The following TMED5 variants were observed in gnomAD, a reference collection of about 807,000 sequenced individuals.
TMED5 encodes the protein transmembrane emp24 domain-containing protein 5.
Under a neutral mutation model 23.0 loss-of-function variants are expected in TMED5, and 27 were observed. The observed-to-expected ratio is 1.17, with a 90% CI of 0.86 to 1.62. TMED5 has a LOEUF of 1.62. TMED5 is among the 40% of genes most tolerant of loss of function. The pLI, the probability that TMED5 is intolerant of heterozygous loss-of-function variation, is 0.00. For missense variants in TMED5, 248 were observed against 273.7 expected (o/e 0.91, Z 0.66); for synonymous variants, 97 against 100.8 (o/e 0.96, Z 0.23).
rs765667600 is a variant in TMED5, at chr1:93,160,237, G to A, written c.190-11C>T. ...TGCTCCATCTAAAACCTGTAGAAAAGCATACATGAGAAAAACATATATTAC... is the reference window on the plus strand; with the variant it reads ...TGCTCCATCTAAAACCTGTAGAAAAACATACATGAGAAAAACATATATTAC... On this transcript the variant is annotated splice_polypyrimidine_tract_variant and intron_variant, in intron 1 of 3. Coordinates refer to ENST00000370282, the MANE Select transcript of TMED5 (RefSeq NM_016040.5). 25 of 1,518,280 alleles carry A rather than the reference G, an allele frequency of 1.6e-5. No individual in the cohort carries two copies. In the South Asian group the frequency reaches 2.4e-4, roughly 14 times the overall value. 94.1% of individuals were successfully genotyped at this position (1,518,280 alleles called of 1,614,324 possible).
chr1:93,161,780 T>C (rs558946066), intron 1 of TMED5: 221 of 152,366 alleles, frequency 1.5e-3, no homozygotes, highest in African/African-American at 5.2e-3. Flanking sequence ...GGTACCTTTA[T>C]GGACACCTAT....
intron 1 of TMED5, chr1:93,162,178 T>C (rs1648303696): frequency 6.6e-6 from 1 of 152,272 alleles, no homozygotes; most frequent in East Asian, 1.9e-4. Flanking sequence ...AGTTTTAATG[T>C]GATGATATAA....
intron 1 of TMED5, among the ~76,000 whole-genome samples, chr1:93,169,951 C>T (rs1208299417): frequency 6.6e-6 from 1 of 151,150 alleles, no homozygotes; most frequent in Non-Finnish European, 1.5e-5. Context: ...GCATGCCTCC[C>T]TAGCTACTTG....
At chr1:93,166,501 T>G (rs1289634690) in intron 1 of TMED5, among the ~76,000 whole-genome samples, 1 of 152,240 alleles carries the variant, frequency 6.6e-6, no homozygotes, top group Non-Finnish European at 1.5e-5. Flanking sequence ...GATTCACATT[T>G]CTCTGATGAT....
At chr1:93,175,312 TATATAC>T (rs1159049220) in intron 1 of TMED5, among the ~76,000 whole-genome samples, 54 of 99,786 alleles carry the variant, frequency 5.4e-4, no homozygotes, top group African/African-American at 1.5e-3. Flanking sequence ...TATATATATA[TATATAC>T]ACACACACAC....
chr1:93,151,683 T>G lies in TMED5; in HGVS notation c.*2987A>C, dbSNP rs1228952519. Reference sequence around the variant, plus strand: ...AGTGCATGTTTAGGCAACAGGTGAATAAGTACATATAGAAACAGAACTCCA... The same window carrying G: ...AGTGCATGTTTAGGCAACAGGTGAAGAAGTACATATAGAAACAGAACTCCA... On this transcript the variant is annotated 3_prime_UTR_variant, in exon 4 of 4. Coordinates refer to ENST00000370282, the MANE Select transcript of TMED5 (RefSeq NM_016040.5). The G allele has an allele frequency of 6.6e-6, 1 of 152,134 alleles. No homozygotes were observed. Among genetic ancestry groups the G allele is most frequent in the Non-Finnish European group, 1.5e-5 (1 of 68,020 alleles). The allele number at this position is 152,134 out of a possible 1,614,324, so 9.4% of individuals were successfully genotyped here. A position where few individuals can be genotyped will look rare whatever the true frequency, so the allele number is the denominator to read the frequency against.
chr1:93,155,001 G>A (rs891711632), intron 3 of TMED5, 113 bp from the exon 4 acceptor site: 46 of 750,672 alleles, frequency 6.1e-5, no homozygotes, highest in Non-Finnish European at 9.9e-5. Context: ...AACTTTGGGA[G>A]ACTAGGGCAG....
At chr1:93,169,883 A>ACACACACACG (rs1491168632) in intron 1 of TMED5, among the ~76,000 whole-genome samples, 6 of 1,094 alleles carry the variant, frequency 5.5e-3, no homozygotes, top group Admixed American at 0.015. Context: ...CCCTGTCTGT[A>ACACACACACG]CACACACACA....
At chr1:93,171,516 T>C (rs1186285957) in intron 1 of TMED5, among the ~76,000 whole-genome samples, 1 of 152,086 alleles carries the variant, frequency 6.6e-6, no homozygotes, top group Non-Finnish European at 1.5e-5. Flanking sequence ...ATACAAGAAA[T>C]AGATAACCTG....
intron 1 of TMED5, among the ~76,000 whole-genome samples, chr1:93,178,916 C>G (rs1398238327): frequency 6.6e-6 from 1 of 152,140 alleles, no homozygotes; most frequent in African/African-American, 2.4e-5. Context: ...AAAGATGAAA[C>G]ACATCAATGC....
chr1:93,168,784 G>A (rs1325476949), intron 1 of TMED5, among the ~76,000 whole-genome samples: 1 of 152,208 alleles, frequency 6.6e-6, no homozygotes, highest in Non-Finnish European at 1.5e-5. Context: ...GCAGTGAGCT[G>A]AGATGGCACC....
intron 1 of TMED5, chr1:93,161,648 C>G (rs1056433310): frequency 2.0e-5 from 3 of 152,196 alleles, no homozygotes. Flanking sequence ...ATCCTCCTGT[C>G]CAGTTCTCTC....
At chr1:93,179,213 T>C (rs917140488) in intron 1 of TMED5, among the ~76,000 whole-genome samples, 4 of 151,854 alleles carry the variant, frequency 2.6e-5, no homozygotes, top group Admixed American at 6.6e-5. Context: ...AATACAAAAA[T>C]TAGCTGGGCA....
At chr1:93,158,312 AAAAT>A (rs1214915361) in intron 2 of TMED5, among the ~76,000 whole-genome samples, 2 of 152,296 alleles carry the variant, frequency 1.3e-5, no homozygotes, top group East Asian at 3.9e-4. Flanking sequence ...TAAGAATAAA[AAAAT>A]TAGTACATGA....
intron 1 of TMED5, among the ~76,000 whole-genome samples, chr1:93,177,690 A>C (rs1349900585): frequency 6.6e-6 from 1 of 152,126 alleles, no homozygotes; most frequent in Non-Finnish European, 1.5e-5. Flanking sequence ...TAGAGGTATA[A>C]ATGTAAAATT....
At chr1:93,177,307 G>A (rs993050704) in intron 1 of TMED5, among the ~76,000 whole-genome samples, 22 of 152,020 alleles carry the variant, frequency 1.4e-4, no homozygotes, top group African/African-American at 3.9e-4. Flanking sequence ...AGCCGGGCGC[G>A]GTGGCTCACA....
chr1:93,154,595 T>TAATG lies in TMED5; in HGVS notation c.*71_*74dup. 1 of 1,000,458 alleles carries TAATG rather than the reference T, an allele frequency of 1.0e-6. No individual in the cohort carries two copies. Among genetic ancestry groups the TAATG allele is most frequent in the Non-Finnish European group, 1.5e-6 (1 of 668,656 alleles). The allele number at this position is 1,000,458 out of a possible 1,614,324, so 62.0% of individuals were successfully genotyped here. ...CTCAAAATATTTTGGAGAAGACCATTAATGGTCTTGACTGTAACAGTTTAT... is the reference window on the plus strand; with the variant it reads ...CTCAAAATATTTTGGAGAAGACCATTAATGAATGGTCTTGACTGTAACAGTTTAT... On this transcript the variant is annotated 3_prime_UTR_variant, in exon 4 of 4. Coordinates refer to ENST00000370282, the MANE Select transcript of TMED5 (RefSeq NM_016040.5).
intron 1 of TMED5, among the ~76,000 whole-genome samples, chr1:93,163,997 AG>A (rs1304614798): frequency 2.9e-4 from 44 of 151,406 alleles, no homozygotes; most frequent in African/African-American, 9.9e-4. Context: ...AAAAAAAAAA[AG>A]CCATAATCTG....
At chr1:93,177,142 G>A (rs951903731) in intron 1 of TMED5, among the ~76,000 whole-genome samples, 1 of 152,016 alleles carries the variant, frequency 6.6e-6, no homozygotes, top group Non-Finnish European at 1.5e-5. Context: ...GTAGTTACTG[G>A]GAAATTAAAC....
Sources: gnomAD v4.1 joint callset for allele counts (sites outside exome capture counted in the v4.1 genomes callset) on GRCh38, gnomAD v4.1.1 for gene constraint, MANE v1.5 for transcripts, NCBI Gene and HGNC (gene_info 2026-07-23, HGNC 2026-07-21) for gene names.